RNF212: variants seen among roughly 807,000 people sequenced by gnomAD.
RNF212 encodes the protein probable E3 SUMO-protein ligase RNF212.
In RNF212, 33 loss-of-function variants were observed where a neutral mutation model predicts 34.7. That is an observed-to-expected ratio of 0.95 (90% CI 0.72 to 1.27). The LOEUF is 1.27. RNF212 is among the 50% of genes most tolerant of loss of function. The pLI is 0.00. For missense variants in RNF212, 377 were observed against 362.2 expected, an observed-to-expected ratio of 1.04 and a Z score of -0.33; for synonymous variants, 140 against 136.1, an observed-to-expected ratio of 1.03 and a Z score of -0.20.
At chr4:1,087,256 TA>T (rs1560126769) in intron 4 of RNF212, among the ~76,000 whole-genome samples, 1 of 560 alleles carries the variant, frequency 1.8e-3, no homozygotes, top group African/African-American at 0.024. Context: ...GAGGACGGGG[TA>T]GGGGAGAGAG....
intron 8 of RNF212, 22 bp from the exon 9 acceptor site, chr4:1,073,684 A>G: frequency 1.3e-6 from 2 of 1,570,642 alleles, no homozygotes; most frequent in Non-Finnish European, 1.8e-6. Flanking sequence ...ACAAGAAAAC[A>G]ATGGGTAAAA....
At chr4:1,080,624 T>C (rs2100411) in intron 7 of RNF212, among the ~76,000 whole-genome samples, 123,364 of 152,136 alleles carry the variant, frequency 0.81, 50,732 homozygotes, top group African/African-American at 0.94. Flanking sequence ...TTAAAACTCC[T>C]CACGGGAAAC....
intron 3 of RNF212, among the ~76,000 whole-genome samples, chr4:1,092,788 G>T (rs920920074): frequency 6.6e-6 from 1 of 152,370 alleles, no homozygotes; most frequent in South Asian, 2.1e-4. Context: ...CGCATCCTGC[G>T]AACTGGGAGG....
chr4:1,099,259 A>C (rs953535439), intron 2 of RNF212, among the ~76,000 whole-genome samples: 1 of 152,236 alleles, frequency 6.6e-6, no homozygotes, highest in Admixed American at 6.5e-5. Context: ...ATGTGCTTCA[A>C]GAAAAAGACA....
downstream of RNF212, among the ~76,000 whole-genome samples, chr4:1,070,028 A>G (rs1378815752): frequency 6.8e-5 from 9 of 131,536 alleles, no homozygotes; most frequent in South Asian, 2.5e-4. Context: ...GGCCTGAGTT[A>G]CAGGTGGTTT....
downstream of RNF212, among the ~76,000 whole-genome samples, chr4:1,071,071 T>G (rs1277074866): frequency 6.6e-6 from 1 of 151,952 alleles, no homozygotes; most frequent in Non-Finnish European, 1.5e-5. Context: ...ATTTTTTCTG[T>G]GTGCTTGAAG....
rs745419157 is a variant in RNF212 at position 1,113,424 on chromosome 4, G to A, written c.41C>T (p.Pro14Leu). ...GAGGCTGAAGCACGACGTCCTGTGG[G>A]GCGGCTGGAAGCAGCGATTACAGAA... ...WVFCNRCFQP[P>L]HRTSCFSLTN... is the part of the protein sequence containing the mutation. Residue 14 changes from proline to leucine, a missense_variant, in exon 1 of 10, where the codon CCC becomes CTC. Coordinates refer to ENST00000433731, the MANE Select transcript of RNF212 (RefSeq NM_001131034.4). 6.4e-5 allele frequency: 103 copies of A among 1,607,718 alleles called. No homozygotes were observed. The highest frequency in any genetic ancestry group is 8.5e-5 in the Non-Finnish European group (100 of 1,178,008).
downstream of RNF212, among the ~76,000 whole-genome samples, chr4:1,070,084 T>G (rs1718351641): frequency 1.4e-5 from 2 of 139,842 alleles, no homozygotes; most frequent in African/African-American, 2.7e-5. Context: ...GAGTTACGGG[T>G]GGTTTCCTAG....
At chr4:1,064,237 G>T (rs1379408728) in intron 3 of RNF212, among the ~76,000 whole-genome samples, 1 of 152,148 alleles carries the variant, frequency 6.6e-6, no homozygotes, top group African/African-American at 2.4e-5. Flanking sequence ...ATATGACAAA[G>T]CAGGTGGGAG....
chr4:1,072,585 C>T lies in RNF212; in HGVS notation c.*289G>A. On this transcript the variant is annotated 3_prime_UTR_variant, in exon 10 of 10. Transcript: ENST00000433731. ...TGCTCTAAGAAAAAGTTTTAAAAAC[C>T]ACCCAGTTAGAAAAAAATGATTTAA... is the stretch of plus-strand genomic sequence containing the variant. 1.1e-6 allele frequency: 1 copy of T among 902,714 alleles called. No individual in the cohort carries two copies. Among genetic ancestry groups the T allele is most frequent in the Non-Finnish European group, 1.4e-6 (1 of 729,518 alleles). 55.9% of individuals were successfully genotyped at this position (902,714 alleles called of 1,614,324 possible).
Position 1,072,331 on chromosome 4 carries a change from A to G in RNF212, c.*543T>C, listed in dbSNP as rs1718589007. 1 of 153,592 alleles carries G rather than the reference A, an allele frequency of 6.5e-6. No individual in the cohort carries two copies. Among genetic ancestry groups the G allele is most frequent in the Non-Finnish European group, 1.4e-5 (1 of 69,106 alleles). The allele number at this position is 153,592 out of a possible 1,614,324, so 9.5% of individuals were successfully genotyped here. A position where few individuals can be genotyped will look rare whatever the true frequency, so the allele number is the denominator to read the frequency against. On this transcript the variant is annotated 3_prime_UTR_variant, in exon 10 of 10. Coordinates refer to ENST00000433731, the MANE Select transcript of RNF212 (RefSeq NM_001131034.4). ...CCATATGCTGCTACGATGGGGACACATGTCACTAGATATTTGTTCAAACCC... is the reference window on the plus strand; with the variant it reads ...CCATATGCTGCTACGATGGGGACACGTGTCACTAGATATTTGTTCAAACCC...
At chr4:1,070,743 G>T (rs905075597), downstream of RNF212, among the ~76,000 whole-genome samples, 1 of 152,222 alleles carries the variant, frequency 6.6e-6, no homozygotes, top group Non-Finnish European at 1.5e-5. Context: ...CTGTGTTCTT[G>T]GTTTTTAGCG....
chr4:1,102,644 A>T (rs1724179352), intron 2 of RNF212, among the ~76,000 whole-genome samples: 1 of 150,968 alleles, frequency 6.6e-6, no homozygotes, highest in Admixed American at 6.6e-5. Context: ...CGAGGTCAGG[A>T]GATCGAGACC....
upstream of RNF212, chr4:1,113,677 A>T: frequency 2.1e-6 from 1 of 470,548 alleles, no homozygotes; most frequent in Non-Finnish European, 3.7e-6. Context: ...CTCGTCTCCC[A>T]GGTCGTTTGG....
chr4:1,081,315 GC>G (rs1384946758), intron 7 of RNF212, 103 bp downstream of exon 7: 1 of 957,784 alleles, frequency 1.0e-6, no homozygotes, highest in African/African-American at 1.6e-5. Context: ...GTATGGATTA[GC>G]AAAATCTGGG....
At chr4:1,070,186 T>C (rs1198020915), downstream of RNF212, among the ~76,000 whole-genome samples, 16 of 124,462 alleles carry the variant, frequency 1.3e-4, no homozygotes, top group Middle Eastern at 5.6e-3. Flanking sequence ...GCCTGAGTTG[T>C]GGGTGGTTTT....
chr4:1,058,992 C>T (rs1305719197), intron 3 of RNF212, among the ~76,000 whole-genome samples: 2 of 152,234 alleles, frequency 1.3e-5, no homozygotes, highest in East Asian at 1.9e-4. Flanking sequence ...TTTCTCCAGG[C>T]GCCTTGTAAC....
chr4:1,080,253 C>A (rs1390895852), intron 7 of RNF212, among the ~76,000 whole-genome samples: 1 of 152,200 alleles, frequency 6.6e-6, no homozygotes, highest in African/African-American at 2.4e-5. Flanking sequence ...TCACTCTTTT[C>A]CAACAGCTCC....
intron 7 of RNF212, 73 bp downstream of exon 7, chr4:1,081,346 G>T: frequency 7.7e-7 from 1 of 1,300,678 alleles, no homozygotes; most frequent in Non-Finnish European, 1.1e-6. Flanking sequence ...AGGGGGTGGG[G>T]TTGGGATGGG....
Sources: gnomAD v4.1 joint callset for allele counts (sites outside exome capture counted in the v4.1 genomes callset) on GRCh38, gnomAD v4.1.1 for gene constraint, MANE v1.5 for transcripts, NCBI Gene and HGNC (gene_info 2026-07-23, HGNC 2026-07-21) for gene names.